Variants in NELL1 observed in about 807,000 individuals in gnomAD.
NELL1 encodes protein kinase C-binding protein NELL1.
NELL1 carries 76 observed loss-of-function variants against 107.4 expected under a neutral mutation model. The observed-to-expected ratio is 0.71, with a 90% CI of 0.59 to 0.86. NELL1 has a LOEUF of 0.86. Among genes scored for constraint, NELL1 ranks in the 40% least tolerant of loss-of-function variants. NELL1 has a pLI of 0.00. For synonymous variants in NELL1, 353 were observed against 341.2 expected, an observed-to-expected ratio of 1.03 and a Z score of -0.38; for missense variants, 1,024 against 1,005.5, an observed-to-expected ratio of 1.02 and a Z score of -0.25.
intron 1 of NELL1, among the ~76,000 whole-genome samples, chr11:20,675,486 C>T (rs532007427): frequency 2.0e-5 from 3 of 152,238 alleles, no homozygotes; most frequent in African/African-American, 7.2e-5. Context: ...AAGTTGAGAG[C>T]CTGCCTGCCA....
At chr11:21,066,437 A>G (rs936740372) in intron 12 of NELL1, among the ~76,000 whole-genome samples, 1 of 152,228 alleles carries the variant, frequency 6.6e-6, no homozygotes, top group African/African-American at 2.4e-5. Flanking sequence ...AAAAAAGTAC[A>G]AAAGGAAACA....
intron 14 of NELL1, among the ~76,000 whole-genome samples, chr11:21,299,748 T>G (rs1017973956): frequency 6.6e-6 from 1 of 151,970 alleles, no homozygotes; most frequent in South Asian, 2.1e-4. Flanking sequence ...ATAGGAGCCA[T>G]AGATAATATG....
At chr11:21,030,815 A>G (rs753292248) in intron 12 of NELL1, among the ~76,000 whole-genome samples, 5 of 152,126 alleles carry the variant, frequency 3.3e-5, no homozygotes, top group Admixed American at 6.6e-5. Flanking sequence ...CATCGTAGCT[A>G]TAATTACTAT....
chr11:20,931,512 C>T (rs556257793), intron 9 of NELL1, among the ~76,000 whole-genome samples: 3 of 152,136 alleles, frequency 2.0e-5, no homozygotes, highest in South Asian at 2.1e-4. Context: ...ACAGTGCCTA[C>T]GTATTTCAAA....
chr11:21,435,784 G>A (rs1429643745), intron 15 of NELL1, among the ~76,000 whole-genome samples: 1 of 150,608 alleles, frequency 6.6e-6, no homozygotes, highest in East Asian at 1.9e-4. Flanking sequence ...TGTACTTTGT[G>A]TGTGTGTGTG....
At chr11:21,466,088 G>A (rs1173142421) in intron 15 of NELL1, among the ~76,000 whole-genome samples, 2 of 152,090 alleles carry the variant, frequency 1.3e-5, no homozygotes, top group African/African-American at 4.8e-5. Context: ...GAGAGGGGGA[G>A]GAATTTGCTG....
chr11:21,199,597 A>G (rs192713004), intron 13 of NELL1, among the ~76,000 whole-genome samples: 92 of 152,218 alleles, frequency 6.0e-4, no homozygotes, highest in African/African-American at 2.0e-3. Context: ...GCTATCAATT[A>G]TGAAGAATCT....
chr11:20,809,124 G>A (rs1279810048), intron 3 of NELL1, among the ~76,000 whole-genome samples: 4 of 152,126 alleles, frequency 2.6e-5, no homozygotes. Flanking sequence ...AAGGGCACTT[G>A]GAGATTTTTA....
chr11:20,899,548 A>G (rs1478758330), intron 5 of NELL1, among the ~76,000 whole-genome samples: 1 of 152,164 alleles, frequency 6.6e-6, no homozygotes, highest in Admixed American at 6.5e-5. Flanking sequence ...TAAACATCCA[A>G]ATAGGGAAGT....
chr11:20,771,507 C>T (rs1856639804), intron 2 of NELL1, among the ~76,000 whole-genome samples: 1 of 152,138 alleles, frequency 6.6e-6, no homozygotes, highest in Non-Finnish European at 1.5e-5. Flanking sequence ...TTTGACATAT[C>T]GCTTTGCAGG....
intron 2 of NELL1, among the ~76,000 whole-genome samples, chr11:20,778,510 T>C: frequency 6.7e-6 from 1 of 149,630 alleles, no homozygotes; most frequent in African/African-American, 2.5e-5. Flanking sequence ...TTTTTTTTTT[T>C]TTTTTTTTTT....
chr11:21,028,616 C>T (rs1160825673), intron 12 of NELL1, among the ~76,000 whole-genome samples: 1 of 152,114 alleles, frequency 6.6e-6, no homozygotes, highest in Non-Finnish European at 1.5e-5. Flanking sequence ...TCCCATTTTC[C>T]CCTATCAGTT....
intron 5 of NELL1, among the ~76,000 whole-genome samples, chr11:20,891,269 A>G (rs1254763436): frequency 6.6e-6 from 1 of 152,194 alleles, no homozygotes; most frequent in East Asian, 1.9e-4. Flanking sequence ...AGTAAACTTC[A>G]TAAGAGAATG....
At chr11:21,229,175 A>G (rs1291013101) in intron 13 of NELL1, among the ~76,000 whole-genome samples, 157 bp from the exon 14 acceptor site, 1 of 152,138 alleles carries the variant, frequency 6.6e-6, no homozygotes, top group Admixed American at 6.5e-5. Flanking sequence ...TTTCTTTCAG[A>G]GTTTAGATTT....
intron 16 of NELL1, among the ~76,000 whole-genome samples, chr11:21,546,171 A>T (rs543820749): frequency 6.6e-6 from 1 of 152,026 alleles, no homozygotes; most frequent in Non-Finnish European, 1.5e-5. Flanking sequence ...TCCAGTTACC[A>T]CTCTGACTCT....
intron 16 of NELL1, among the ~76,000 whole-genome samples, chr11:21,546,198 A>G (rs1856437190): frequency 6.6e-6 from 1 of 151,920 alleles, no homozygotes; most frequent in Non-Finnish European, 1.5e-5. Flanking sequence ...ACTTATAAGT[A>G]TTTTCTTCCT....
At chr11:21,082,313 T>C (rs778632921) in intron 12 of NELL1, among the ~76,000 whole-genome samples, 1 of 152,174 alleles carries the variant, frequency 6.6e-6, no homozygotes, top group Non-Finnish European at 1.5e-5. Context: ...TCTCTGAAAG[T>C]ACAGATTAAT....
chr11:21,560,566 G>A (rs1856824873), intron 17 of NELL1, among the ~76,000 whole-genome samples, 184 bp downstream of exon 17: 1 of 152,032 alleles, frequency 6.6e-6, no homozygotes, highest in Non-Finnish European at 1.5e-5. Context: ...TGAATTGATT[G>A]TGTTCTTAGT....
intron 4 of NELL1, among the ~76,000 whole-genome samples, chr11:20,848,642 G>A (rs140080555): frequency 1.3e-5 from 2 of 152,074 alleles, no homozygotes; most frequent in Admixed American, 6.5e-5. Context: ...GCCACACAAG[G>A]CTTGCTCCCT....
Sources: allele counts gnomAD v4.1 joint callset (sites outside exome capture counted in the v4.1 genomes callset), GRCh38; gene constraint gnomAD v4.1.1; transcripts MANE v1.5; gene names NCBI Gene and HGNC (gene_info 2026-07-23, HGNC 2026-07-21).